ASIC2: variants seen among roughly 807,000 people sequenced by gnomAD.
The protein encoded by ASIC2 is acid-sensing ion channel 2.
In ASIC2, 25 loss-of-function variants were observed where a neutral mutation model predicts 57.3. That is an observed-to-expected ratio of 0.44 (90% CI 0.32 to 0.61). ASIC2 has a LOEUF of 0.61. ASIC2 is among the 20% of genes least tolerant of loss of function. ASIC2 has a pLI of 0.06. For synonymous variants in ASIC2, 319 were observed against 307.5 expected (o/e 1.04, Z -0.39); for missense variants, 641 against 738.1 (o/e 0.87, Z 1.52).
At chr17:33,261,081 A>G (rs1909261754) in intron 1 of ASIC2, among the ~76,000 whole-genome samples, 1 of 152,178 alleles carries the variant, frequency 6.6e-6, no homozygotes, top group African/African-American at 2.4e-5. Context: ...TGTCCTAACC[A>G]AAGGACTATT....
intron 1 of ASIC2, among the ~76,000 whole-genome samples, chr17:33,928,125 CT>C (rs1915861118): frequency 6.6e-6 from 1 of 152,170 alleles, no homozygotes; most frequent in African/African-American, 2.4e-5. Flanking sequence ...TTTTTTCCCC[CT>C]GCCAACTGGA....
intron 1 of ASIC2, among the ~76,000 whole-genome samples, chr17:33,207,060 G>T (rs1451762516): frequency 6.6e-6 from 1 of 152,114 alleles, no homozygotes; most frequent in African/African-American, 2.4e-5. Flanking sequence ...AATGACAATG[G>T]ATGTGGGTTT....
chr17:33,951,757 A>ATT (rs11418012), intron 1 of ASIC2, among the ~76,000 whole-genome samples: 93 of 135,628 alleles, frequency 6.9e-4, no homozygotes, highest in East Asian at 4.1e-3. Flanking sequence ...TAATTTTTGT[A>ATT]TTTTTTTTTT....
intron 1 of ASIC2, among the ~76,000 whole-genome samples, chr17:33,177,969 A>T (rs1316328328): frequency 6.6e-6 from 1 of 152,120 alleles, no homozygotes; most frequent in Non-Finnish European, 1.5e-5. Context: ...CCAGGAAAAA[A>T]ATAACCTAGT....
chr17:33,174,092 A>C (rs79838208), intron 1 of ASIC2, among the ~76,000 whole-genome samples: 8,559 of 152,138 alleles, frequency 0.056, 593 homozygotes, highest in African/African-American at 0.16. Flanking sequence ...CTTCCCTGGA[A>C]CCACTCATTT....
At chr17:33,265,119 C>T (rs969123879) in intron 1 of ASIC2, among the ~76,000 whole-genome samples, 1 of 152,206 alleles carries the variant, frequency 6.6e-6, no homozygotes, top group Non-Finnish European at 1.5e-5. Context: ...AATACACTCC[C>T]TGTAATTCCC....
chr17:34,012,248 G>A (rs765683776), intron 1 of ASIC2, among the ~76,000 whole-genome samples: 13 of 151,878 alleles, frequency 8.6e-5, no homozygotes, highest in South Asian at 2.1e-4. Flanking sequence ...GAAATATCTC[G>A]ATGCCTCCAA....
chr17:33,701,449 C>T (rs1450265281), intron 1 of ASIC2, among the ~76,000 whole-genome samples: 1 of 152,132 alleles, frequency 6.6e-6, no homozygotes, highest in Non-Finnish European at 1.5e-5. Context: ...CTATAGGATT[C>T]AAAATGAAGA....
intron 1 of ASIC2, among the ~76,000 whole-genome samples, chr17:33,814,191 A>T (rs1329539945): frequency 6.6e-6 from 1 of 152,192 alleles, no homozygotes; most frequent in Non-Finnish European, 1.5e-5. Context: ...AGCCCCAAGG[A>T]CATTCAGCTG....
At position 33,937,503 on chromosome 17, in the gene ASIC2, A is replaced by T. The variant is rs148606787; in HGVS notation, c.555+218475T>A. ...GGAGCATATTGGAGAAAAGAAGAAA[A>T]ATAAATCACTTGTGACTCTACTAAC... is the stretch of plus-strand genomic sequence containing the variant. On this transcript the variant is annotated intron_variant, in intron 1 of 9. Coordinates refer to the ASIC2 transcript ENST00000359872. 2.9e-4 allele frequency among the ~76,000 whole-genome samples: 44 copies of T among 152,304 alleles called. No homozygotes were observed. The East Asian group carries it at 8.1e-3, about 28-fold the overall frequency.
At chr17:33,126,154 G>A (rs1420520962) in intron 1 of ASIC2, among the ~76,000 whole-genome samples, 2 of 152,208 alleles carry the variant, frequency 1.3e-5, no homozygotes, top group South Asian at 2.1e-4. Context: ...GGGGTTCAGG[G>A]AAGGTGAGTT....
chr17:34,119,299 T>TGTCTCCCAACTCTCCCAAA (rs879922568), intron 1 of ASIC2, among the ~76,000 whole-genome samples: 93 of 152,254 alleles, frequency 6.1e-4, no homozygotes, highest in South Asian at 4.1e-3. Flanking sequence ...AGCCTCTGTT[T>TGTCTCCCAACTCTCCCAAA]CCTTACCTGA....
chr17:33,034,817 G>C (rs1294850815), intron 3 of ASIC2, among the ~76,000 whole-genome samples: 3 of 152,058 alleles, frequency 2.0e-5, no homozygotes, highest in Admixed American at 1.3e-4. Context: ...TTTCTTTGTA[G>C]TTATCCTGCT....
At chr17:33,753,082 A>C (rs1910483546) in intron 1 of ASIC2, among the ~76,000 whole-genome samples, 2 of 152,268 alleles carry the variant, frequency 1.3e-5, no homozygotes. Flanking sequence ...TAGGTGGATG[A>C]ATACACTGTG....
At chr17:33,200,411 C>T (rs756418267) in intron 1 of ASIC2, among the ~76,000 whole-genome samples, 2 of 152,174 alleles carry the variant, frequency 1.3e-5, no homozygotes, top group Admixed American at 6.5e-5. Flanking sequence ...TCTCTACACA[C>T]AGACACCCAA....
At chr17:33,492,199 G>A (rs1898297902) in intron 1 of ASIC2, among the ~76,000 whole-genome samples, 1 of 152,192 alleles carries the variant, frequency 6.6e-6, no homozygotes, top group Admixed American at 6.5e-5. Context: ...TTACATCTGG[G>A]AATTCATTTA....
At chr17:33,749,859 G>A (rs1345521079) in intron 1 of ASIC2, among the ~76,000 whole-genome samples, 5 of 152,208 alleles carry the variant, frequency 3.3e-5, no homozygotes, top group Admixed American at 1.3e-4. Flanking sequence ...GGATTGGGGG[G>A]CCCAGCTTTG....
chr17:33,462,413 A>G (rs1232292529), intron 1 of ASIC2, among the ~76,000 whole-genome samples: 1 of 152,148 alleles, frequency 6.6e-6, no homozygotes, highest in East Asian at 1.9e-4. Flanking sequence ...CCTTGTTCCT[A>G]TGTGGATAAG....
chr17:33,913,869 T>C (rs1915525086), intron 1 of ASIC2, among the ~76,000 whole-genome samples: 1 of 152,256 alleles, frequency 6.6e-6, no homozygotes, highest in East Asian at 1.9e-4. Context: ...AAGTGTTTAA[T>C]ACACACAATC....
Sources: allele counts gnomAD v4.1 joint callset (sites outside exome capture counted in the v4.1 genomes callset), GRCh38; gene constraint gnomAD v4.1.1; transcripts MANE v1.5; gene names NCBI Gene and HGNC (gene_info 2026-07-23, HGNC 2026-07-21).